PPHLN1: variants seen among roughly 807,000 people sequenced by gnomAD.
The protein encoded by PPHLN1 is periphilin 1, also known as periphilin-1.
A neutral mutation model predicts 51.3 loss-of-function variants in PPHLN1; 29 were observed. That is an observed-to-expected ratio of 0.57 (90% CI 0.42 to 0.77). The LOEUF is 0.77. PPHLN1 is among the 30% of genes least tolerant of loss of function. The probability of loss-of-function intolerance (pLI) is 0.00; values close to 1 mark genes in which losing one functional copy is unlikely to be tolerated. For synonymous variants in PPHLN1, 147 were observed against 147.8 expected, an observed-to-expected ratio of 0.99 and a Z score of 0.04; for missense variants, 436 against 438.4, an observed-to-expected ratio of 0.99 and a Z score of 0.05.
At chr12:42,327,256 A>C (rs917021140) in intron 1 of PPHLN1, among the ~76,000 whole-genome samples, 1 of 151,942 alleles carries the variant, frequency 6.6e-6, no homozygotes, top group Non-Finnish European at 1.5e-5. Flanking sequence ...GCTTTCTGAA[A>C]CCTCTATTTC....
At chr12:42,368,291 C>T (rs2075466402) in intron 4 of PPHLN1, among the ~76,000 whole-genome samples, 1 of 151,930 alleles carries the variant, frequency 6.6e-6, no homozygotes, top group African/African-American at 2.4e-5. Flanking sequence ...CTTTTCAATT[C>T]ACCTGAATTT....
intron 5 of PPHLN1, among the ~76,000 whole-genome samples, chr12:42,378,953 G>T (rs996908940): frequency 6.6e-6 from 1 of 151,994 alleles, no homozygotes; most frequent in Non-Finnish European, 1.5e-5. Flanking sequence ...AGTGCAGATT[G>T]TCCCAGTTAA....
At chr12:42,368,773 C>A (rs2075522062) in intron 4 of PPHLN1, among the ~76,000 whole-genome samples, 1 of 152,066 alleles carries the variant, frequency 6.6e-6, no homozygotes, top group Non-Finnish European at 1.5e-5. Flanking sequence ...TATGAACCAG[C>A]CAAAACATTT....
intron 2 of PPHLN1, chr12:42,347,243 A>G (rs1478349777): frequency 1.3e-5 from 2 of 152,162 alleles, no homozygotes; most frequent in Non-Finnish European, 2.9e-5. Flanking sequence ...TCTTCTTTGG[A>G]GAAATGCCTG....
At position 42,433,891 on chromosome 12, in the gene PPHLN1, A is replaced by G. The variant is rs114590919; in HGVS notation, c.910-7424A>G. Among the ~76,000 whole-genome samples, 548 of 152,312 alleles carry G rather than the reference A, an allele frequency of 3.6e-3. 5 individuals carry two copies. Among genetic ancestry groups the G allele is most frequent in the African/African-American group, 0.013 (531 of 41,564 alleles). On this transcript the variant is annotated intron_variant, in intron 9 of 9. Coordinates refer to ENST00000358314, the MANE Select transcript of PPHLN1 (RefSeq NM_201439.2). The stretch of plus-strand genomic sequence containing the variant: ...ACTGTGTGAGATGATAGATATTACT[A>G]TCTATATGTATCCCATAACATGTTG...
chr12:42,349,228 T>A (rs10880293), intron 2 of PPHLN1, among the ~76,000 whole-genome samples: 24,736 of 152,184 alleles, frequency 0.16, 2,064 homozygotes, highest in Admixed American at 0.2. Context: ...TAGCAAACAT[T>A]TTTTGAGCAC....
At chr12:42,444,765 C>T, downstream of PPHLN1, 5 of 389,760 alleles carry the variant, frequency 1.3e-5, no homozygotes, top group Non-Finnish European at 2.3e-5. Flanking sequence ...ACATGCCCTT[C>T]CTGCTGACAA....
chr12:42,419,474 T>C (rs2080787982), intron 9 of PPHLN1, among the ~76,000 whole-genome samples: 1 of 152,220 alleles, frequency 6.6e-6, no homozygotes, highest in African/African-American at 2.4e-5. Flanking sequence ...CCTCAGGTGA[T>C]CCGCCTGCCT....
At chr12:42,428,630 G>T (rs976843922) in intron 9 of PPHLN1, among the ~76,000 whole-genome samples, 1 of 151,992 alleles carries the variant, frequency 6.6e-6, no homozygotes. Flanking sequence ...AGAGTGGGAG[G>T]GGGGTGAGGG....
intron 2 of PPHLN1, among the ~76,000 whole-genome samples, chr12:42,337,969 A>G (rs2070934771): frequency 6.6e-6 from 1 of 151,930 alleles, no homozygotes; most frequent in African/African-American, 2.4e-5. Context: ...TTTTTAGTAG[A>G]GACGGGGTTT....
chr12:42,411,245 A>T (rs2079785796), intron 9 of PPHLN1, among the ~76,000 whole-genome samples: 1 of 151,632 alleles, frequency 6.6e-6, no homozygotes, highest in Admixed American at 6.6e-5. Context: ...TTGAGTATAT[A>T]ATATATATAT....
intron 9 of PPHLN1, among the ~76,000 whole-genome samples, chr12:42,435,190 A>G (rs1245217226): frequency 6.6e-6 from 1 of 152,240 alleles, no homozygotes; most frequent in Non-Finnish European, 1.5e-5. Context: ...GTTGAATTCT[A>G]TATATTTATA....
chr12:42,412,884 A>G (rs2080002534), intron 9 of PPHLN1, among the ~76,000 whole-genome samples: 1 of 151,922 alleles, frequency 6.6e-6, no homozygotes, highest in African/African-American at 2.4e-5. Flanking sequence ...TATGTTGAAC[A>G]TTTTTTCGTA....
At chr12:42,367,908 T>G (rs911869385) in intron 4 of PPHLN1, among the ~76,000 whole-genome samples, 4 of 152,170 alleles carry the variant, frequency 2.6e-5, no homozygotes, top group Non-Finnish European at 5.9e-5. Flanking sequence ...CTAATTTTTG[T>G]ATTTTTAATA....
rs1042722562 is a variant in PPHLN1, at chr12:42,332,890, A to G, written c.-20-2993A>G. ...TCCTTTAGTATATTAATTTACATTC[A>G]TCATTTTTATCATCACTTCACATGT... is the stretch of plus-strand genomic sequence containing the variant. On this transcript the variant is annotated intron_variant, in intron 1 of 9. Transcript: ENST00000358314. Among the ~76,000 whole-genome samples, 11 of 152,084 alleles carry G rather than the reference A, an allele frequency of 7.2e-5. 1 individual carries two copies. Among genetic ancestry groups the G allele is most frequent in the African/African-American group, 2.4e-4 (10 of 41,404 alleles).
intron 9 of PPHLN1, among the ~76,000 whole-genome samples, chr12:42,429,125 T>C (rs2081794084): frequency 6.6e-6 from 1 of 152,040 alleles, no homozygotes; most frequent in Admixed American, 6.5e-5. Flanking sequence ...CATCCTGTGT[T>C]CATTATGAAT....
intron 9 of PPHLN1, chr12:42,433,283 AG>A (rs979898082): frequency 2.9e-5 from 19 of 656,590 alleles, no homozygotes; most frequent in African/African-American, 2.5e-4. Flanking sequence ...CAGATGGTGG[AG>A]GTAATCTAAC....
intron 2 of PPHLN1, among the ~76,000 whole-genome samples, chr12:42,340,983 C>CTT (rs552090682): frequency 0.072 from 9,461 of 130,984 alleles, 358 homozygotes; most frequent in African/African-American, 0.085. Flanking sequence ...TTCTTTCTTT[C>CTT]TTTTTTTTTT....
intron 4 of PPHLN1, among the ~76,000 whole-genome samples, chr12:42,364,377 C>G (rs1006874490): frequency 6.6e-6 from 1 of 152,024 alleles, no homozygotes; most frequent in Non-Finnish European, 1.5e-5. Flanking sequence ...CACCTGTAAT[C>G]CCAGTACTTT....
Sources: allele counts gnomAD v4.1 joint callset (sites outside exome capture counted in the v4.1 genomes callset), GRCh38; gene constraint gnomAD v4.1.1; transcripts MANE v1.5; gene names NCBI Gene and HGNC (gene_info 2026-07-23, HGNC 2026-07-21).